The following NCKAP5 variants were observed in gnomAD, a reference collection of about 807,000 sequenced individuals.
NCKAP5 encodes the protein nck-associated protein 5.
In NCKAP5, 92 loss-of-function variants were observed where a neutral mutation model predicts 167.0. The observed-to-expected ratio is 0.55, with a 90% CI of 0.47 to 0.66. The LOEUF is 0.66. Ranked by LOEUF, NCKAP5 falls within the 30% of genes least tolerant of loss-of-function variation. NCKAP5 has a pLI of 0.00. For synonymous variants in NCKAP5, 891 were observed against 877.4 expected, an observed-to-expected ratio of 1.02 and a Z score of -0.27; for missense variants, 2,378 against 2,315.0, an observed-to-expected ratio of 1.03 and a Z score of -0.56.
At chr2:133,195,876 C>T (rs2085414073) in intron 5 of NCKAP5, among the ~76,000 whole-genome samples, 1 of 152,022 alleles carries the variant, frequency 6.6e-6, no homozygotes, top group South Asian at 2.1e-4. Context: ...GAAAATAAGA[C>T]TGATAGAGTC....
At chr2:133,050,091 G>A (rs2079550184) in intron 6 of NCKAP5, among the ~76,000 whole-genome samples, 1 of 152,120 alleles carries the variant, frequency 6.6e-6, no homozygotes. Flanking sequence ...GTTCTTCCTG[G>A]TAATACAATT....
chr2:133,498,881 C>A (rs1212383213), intron 3 of NCKAP5, among the ~76,000 whole-genome samples: 1 of 152,196 alleles, frequency 6.6e-6, no homozygotes, highest in African/African-American at 2.4e-5. Context: ...AGCTTTAATA[C>A]TCATTATCTT....
intron 11 of NCKAP5, among the ~76,000 whole-genome samples, chr2:132,828,504 G>T (rs554077552): frequency 6.6e-6 from 1 of 152,250 alleles, no homozygotes; most frequent in Non-Finnish European, 1.5e-5. Flanking sequence ...CTTTTGCCAT[G>T]ATTGGAAGCT....
chr2:132,708,061 A>G (rs1434552307), intron 19 of NCKAP5, among the ~76,000 whole-genome samples: 1 of 152,168 alleles, frequency 6.6e-6, no homozygotes, highest in Non-Finnish European at 1.5e-5. Flanking sequence ...AGCAGTACCC[A>G]GGCAGTACTT....
chr2:133,526,279 AGGAG>A (rs1684911096), intron 2 of NCKAP5, among the ~76,000 whole-genome samples: 1 of 41,364 alleles, frequency 2.4e-5, no homozygotes, highest in Admixed American at 4.0e-4. Flanking sequence ...GAGGGAGGGA[AGGAG>A]GGAGGGAGGG....
At chr2:133,392,622 C>G (rs1384072087) in intron 3 of NCKAP5, among the ~76,000 whole-genome samples, 1 of 152,160 alleles carries the variant, frequency 6.6e-6, no homozygotes, top group African/African-American at 2.4e-5. Context: ...GCTACAACAT[C>G]TCAAGTACTC....
intron 7 of NCKAP5, among the ~76,000 whole-genome samples, chr2:132,973,928 A>G (rs1408186550): frequency 6.6e-6 from 1 of 152,178 alleles, no homozygotes; most frequent in African/African-American, 2.4e-5. Context: ...AGTCCCAAGT[A>G]GCTCTTGGTT....
intron 3 of NCKAP5, among the ~76,000 whole-genome samples, chr2:133,398,474 G>A (rs1229890424): frequency 6.6e-6 from 1 of 152,062 alleles, no homozygotes; most frequent in Admixed American, 6.6e-5. Context: ...ACTTCAAAAG[G>A]AGAGTTTGTT....
chr2:132,800,197 A>G (rs755635134), intron 11 of NCKAP5, among the ~76,000 whole-genome samples: 13 of 152,132 alleles, frequency 8.5e-5, no homozygotes, highest in African/African-American at 2.9e-4. Context: ...GAAGGCCATG[A>G]CCTCTTAAGA....
chr2:133,467,946 C>A (rs1692729068), intron 3 of NCKAP5, among the ~76,000 whole-genome samples: 1 of 126,256 alleles, frequency 7.9e-6, no homozygotes, highest in African/African-American at 3.2e-5. Context: ...TTTTGTTGAT[C>A]CTTTCAAAAA....
At chr2:133,415,386 C>T (rs545537010) in intron 3 of NCKAP5, among the ~76,000 whole-genome samples, 10 of 152,304 alleles carry the variant, frequency 6.6e-5, no homozygotes, top group East Asian at 1.9e-4. Flanking sequence ...ATATGAAACA[C>T]GGAACTGGTT....
At chr2:132,897,301 C>G (rs558294168) in intron 8 of NCKAP5, among the ~76,000 whole-genome samples, 2 of 152,256 alleles carry the variant, frequency 1.3e-5, no homozygotes, top group East Asian at 3.9e-4. Context: ...CTCATTAAGA[C>G]AAACATGGAT....
chr2:132,728,767 A>C, intron 18 of NCKAP5, 49 bp downstream of exon 18: 1 of 1,593,678 alleles, frequency 6.3e-7, no homozygotes, highest in Non-Finnish European at 8.5e-7. Context: ...ACTTTTTAGA[A>C]TCAGGACCAA....
At chr2:133,552,513 C>T (rs1241356552) in intron 2 of NCKAP5, among the ~76,000 whole-genome samples, 19 of 142,864 alleles carry the variant, frequency 1.3e-4, no homozygotes, top group South Asian at 2.4e-4. Context: ...CCAAACACCG[C>T]ATATTCTCAC....
At chr2:133,177,183 T>TAC (rs1553563642) in intron 5 of NCKAP5, among the ~76,000 whole-genome samples, 2 of 142,678 alleles carry the variant, frequency 1.4e-5, no homozygotes, top group African/African-American at 5.2e-5. Context: ...TATATATATA[T>TAC]ATATACTCAA....
At chr2:132,801,006 C>T (rs1684990076) in intron 11 of NCKAP5, among the ~76,000 whole-genome samples, 1 of 152,178 alleles carries the variant, frequency 6.6e-6, no homozygotes, top group South Asian at 2.1e-4. Flanking sequence ...CAGGTGTGCC[C>T]ACATGACACG....
chr2:133,359,424 A>G (rs925126898), intron 3 of NCKAP5, among the ~76,000 whole-genome samples: 6 of 152,228 alleles, frequency 3.9e-5, no homozygotes, highest in African/African-American at 2.4e-5. Context: ...TGAGGTTGCT[A>G]TGGAGATTTT....
intron 8 of NCKAP5, among the ~76,000 whole-genome samples, chr2:132,920,753 A>G (rs1227317760): frequency 1.2e-5 from 1 of 85,698 alleles, no homozygotes; most frequent in Non-Finnish European, 2.0e-5. Flanking sequence ...GTGTATATAT[A>G]TATGTATATA....
chr2:133,125,998 C>T (rs1041784768), intron 6 of NCKAP5, among the ~76,000 whole-genome samples: 6 of 152,268 alleles, frequency 3.9e-5, no homozygotes, highest in African/African-American at 1.4e-4. Context: ...TTTTTATCAC[C>T]TCAGCGATCC....
Sources: gnomAD v4.1 joint callset for allele counts (sites outside exome capture counted in the v4.1 genomes callset) on GRCh38, gnomAD v4.1.1 for gene constraint, MANE v1.5 for transcripts, NCBI Gene and HGNC (gene_info 2026-07-23, HGNC 2026-07-21) for gene names.